The following ATG7 variants were observed in gnomAD, a reference collection of about 807,000 sequenced individuals.
ATG7 encodes the protein ubiquitin-like modifier-activating enzyme ATG7.
In ATG7, 70 loss-of-function variants were observed where a neutral mutation model predicts 82.4. That is an observed-to-expected ratio of 0.85 (90% CI 0.70 to 1.04). The LOEUF (loss-of-function observed/expected upper bound fraction) is 1.04, where lower values mean the gene tolerates loss of function less well. Ranked by LOEUF, ATG7 falls within the 50% of genes least tolerant of loss-of-function variation. The pLI, the probability that ATG7 is intolerant of heterozygous loss-of-function variation, is 0.00. For missense variants in ATG7, 792 were observed against 864.3 expected (o/e 0.92, Z 1.05); for synonymous variants, 287 against 313.0 (o/e 0.92, Z 0.88).
At chr3:11,382,225 C>T (rs1176487715) in intron 19 of ATG7, among the ~76,000 whole-genome samples, 1 of 152,182 alleles carries the variant, frequency 6.6e-6, no homozygotes, top group Non-Finnish European at 1.5e-5. Context: ...TAGTGAAGCA[C>T]TTGTTCATTA....
intron 20 of ATG7, among the ~76,000 whole-genome samples, chr3:11,478,917 C>G (rs151046389): frequency 2.6e-5 from 4 of 151,304 alleles, no homozygotes; most frequent in Non-Finnish European, 4.4e-5. Context: ...CTCTGGGTAA[C>G]TTAAGTGGCT....
At position 11,440,508 on chromosome 3, in the gene ATG7, T is replaced by TAG. The variant is rs1371787433; in HGVS notation, c.2079+13586_2079+13587dup. On this transcript the variant is annotated intron_variant, in intron 20 of 20. Transcript: ENST00000693202. ...CCCGGCTAATTTTTTGTATTTTTAGTAGAGACGGGGTTTCACCGTTTTAGC... is the reference window on the plus strand; with the variant it reads ...CCCGGCTAATTTTTTGTATTTTTAGTAGAGAGACGGGGTTTCACCGTTTTAGC... Among the ~76,000 whole-genome samples the TAG allele has an allele frequency of 1.0e-4, 15 of 148,348 alleles. No individual in the cohort carries two copies. In the South Asian group the frequency reaches 3.0e-3, roughly 30 times the overall value.
intron 20 of ATG7, among the ~76,000 whole-genome samples, chr3:11,479,310 C>T (rs558401601): frequency 3.9e-5 from 6 of 152,094 alleles, no homozygotes; most frequent in Non-Finnish European, 8.8e-5. Flanking sequence ...TTAAATGTTG[C>T]AAGAGATTAC....
At chr3:11,439,809 G>A (rs1421816178) in intron 20 of ATG7, among the ~76,000 whole-genome samples, 3 of 152,254 alleles carry the variant, frequency 2.0e-5, no homozygotes, top group Non-Finnish European at 4.4e-5. Flanking sequence ...CTCTGATGAA[G>A]AGTACCAAGA....
chr3:11,475,908 C>CA (rs59230356), intron 20 of ATG7, among the ~76,000 whole-genome samples: 45,314 of 145,172 alleles, frequency 0.31, 7,355 homozygotes, highest in Admixed American at 0.4. Flanking sequence ...CACACACACA[C>CA]CCCCTCCCAG....
chr3:11,548,342 C>T (rs932408891), intron 20 of ATG7, among the ~76,000 whole-genome samples: 2 of 152,146 alleles, frequency 1.3e-5, no homozygotes, highest in African/African-American at 4.8e-5. Context: ...CTGTGGCTAT[C>T]TTTTCTCTTT....
intron 20 of ATG7, among the ~76,000 whole-genome samples, chr3:11,441,596 C>T (rs545030938): frequency 1.3e-5 from 2 of 151,652 alleles, no homozygotes; most frequent in South Asian, 2.1e-4. Flanking sequence ...GTAACTGTTA[C>T]AAGTTTCTGT....
At chr3:11,566,631 G>A in the ATG7 span, among the ~76,000 whole-genome samples, 5 of 152,106 alleles carry the variant, frequency 3.3e-5, no homozygotes, top group Non-Finnish European at 7.4e-5. Flanking sequence ...AATAAGATGC[G>A]GCCACTCTCT....
intron 3 of ATG7, among the ~76,000 whole-genome samples, chr3:11,287,196 G>A (rs1005079902): frequency 6.6e-6 from 1 of 152,172 alleles, no homozygotes; most frequent in African/African-American, 2.4e-5. Flanking sequence ...GAGGCAAACA[G>A]GTAAGCAAAG....
chr3:11,538,490 TGTA>T (rs1178775574), intron 20 of ATG7, among the ~76,000 whole-genome samples: 1 of 150,908 alleles, frequency 6.6e-6, no homozygotes, highest in Non-Finnish European at 1.5e-5. Context: ...GTTCCTTAAG[TGTA>T]AAAATGCCAT....
At chr3:11,436,111 A>C (rs1448700698) in intron 20 of ATG7, among the ~76,000 whole-genome samples, 2 of 152,192 alleles carry the variant, frequency 1.3e-5, no homozygotes, top group African/African-American at 4.8e-5. Context: ...GAACTCTTAC[A>C]ACTTAATAAT....
In ATG7 at chr3:11,334,630, A is replaced by ATG. The variant is rs10558538; in HGVS notation, c.889+1550_889+1551dup. On this transcript the variant is annotated intron_variant, in intron 11 of 20. Coordinates refer to ENST00000693202, the MANE Select transcript of ATG7 (RefSeq NM_001349232.2). ...CCTTATGCCATAGATATGCCTTAAA[A>ATG]TGTGTGTGTGTGTGATGGGGGAGGT... Among the ~76,000 whole-genome samples, 727 of 150,686 alleles carry ATG rather than the reference A, an allele frequency of 4.8e-3. 6 individuals are homozygous for ATG. The highest frequency in any genetic ancestry group is 0.017 in the African/African-American group (690 of 41,092).
At chr3:11,519,746 A>G (rs2092393226) in intron 20 of ATG7, among the ~76,000 whole-genome samples, 1 of 151,468 alleles carries the variant, frequency 6.6e-6, no homozygotes, top group Admixed American at 6.6e-5. Flanking sequence ...CATTTTTAGT[A>G]GAGACGGGGT....
intron 20 of ATG7, among the ~76,000 whole-genome samples, chr3:11,539,060 A>G (rs1408750983): frequency 6.6e-6 from 1 of 151,234 alleles, no homozygotes; most frequent in East Asian, 2.0e-4. Flanking sequence ...CACAGCTTCC[A>G]AGAACTTACC....
intron 20 of ATG7, among the ~76,000 whole-genome samples, chr3:11,537,063 A>G (rs948587912): frequency 7.9e-5 from 12 of 152,044 alleles, no homozygotes; most frequent in Admixed American, 2.0e-4. Context: ...GCAGACCTCC[A>G]TCCCTCTGCA....
intron 20 of ATG7, among the ~76,000 whole-genome samples, chr3:11,435,141 T>TTTGATA (rs1486193695): frequency 2.6e-5 from 4 of 152,244 alleles, no homozygotes; most frequent in Non-Finnish European, 4.4e-5. Flanking sequence ...ATCAAAGTAC[T>TTTGATA]TACTTTTTAT....
At chr3:11,502,492 G>C (rs1285480397) in intron 20 of ATG7, among the ~76,000 whole-genome samples, 1 of 148,128 alleles carries the variant, frequency 6.8e-6, no homozygotes, top group Non-Finnish European at 1.5e-5. Context: ...TTTTGTTCTT[G>C]CGATAGTTTA....
At chr3:11,337,074 C>T (rs1193089121) in intron 11 of ATG7, among the ~76,000 whole-genome samples, 2 of 152,148 alleles carry the variant, frequency 1.3e-5, no homozygotes, top group African/African-American at 4.8e-5. Flanking sequence ...GACACTGCTG[C>T]GGGTAGAGAT....
Position 11,555,146 on chromosome 3 carries a change from T to C in ATG7, c.*303T>C. 2.4e-6 allele frequency: 1 copy of C among 421,470 alleles called. No homozygotes were observed. Among genetic ancestry groups the C allele is most frequent in the Non-Finnish European group, 4.2e-6 (1 of 235,648 alleles). The allele number at this position is 421,470 out of a possible 1,614,324, so 26.1% of individuals were successfully genotyped here. The stretch of plus-strand genomic sequence containing the variant: ...GACTGATAGCCATCCCCCAGGATCC[T>C]TTCCCCTTGGCCCTGAGGGGGTGAC... On this transcript the variant is annotated 3_prime_UTR_variant, in exon 21 of 21. Transcript: ENST00000693202.
Sources: gnomAD v4.1 joint callset for allele counts (sites outside exome capture counted in the v4.1 genomes callset) on GRCh38, gnomAD v4.1.1 for gene constraint, MANE v1.5 for transcripts, NCBI Gene and HGNC (gene_info 2026-07-23, HGNC 2026-07-21) for gene names.